The following PFKFB3 variants were observed in gnomAD, a reference collection of about 807,000 sequenced individuals.
The protein encoded by PFKFB3 is 6-phosphofructo-2-kinase/fructose-2,6-bisphosphatase 3.
A neutral mutation model predicts 68.0 loss-of-function variants in PFKFB3; 33 were observed. That is an observed-to-expected ratio of 0.49 (90% CI 0.37 to 0.65). The LOEUF (loss-of-function observed/expected upper bound fraction) is 0.65, where lower values mean the gene tolerates loss of function less well. PFKFB3 is among the 30% of genes least tolerant of loss of function. The probability of loss-of-function intolerance (pLI) is 0.00; values close to 1 mark genes in which losing one functional copy is unlikely to be tolerated. For missense variants in PFKFB3, 586 were observed against 712.2 expected (o/e 0.82, Z 2.02); for synonymous variants, 315 against 288.2 (o/e 1.09, Z -0.94).
At chr10:6,268,276 C>T in the PFKFB3 span, among the ~76,000 whole-genome samples, 4 of 152,212 alleles carry the variant, frequency 2.6e-5, no homozygotes, top group East Asian at 3.9e-4. Context: ...TTGGAGATTG[C>T]GTAGAGGGTT....
chr10:6,146,516 A>C, intron 1 of PFKFB3: 1 of 1,529,944 alleles, frequency 6.5e-7, no homozygotes, highest in Non-Finnish European at 8.7e-7. Context: ...GGCCACCTTG[A>C]CTCTGTGGGT....
At chr10:6,286,553 T>G in the PFKFB3 span, among the ~76,000 whole-genome samples, 1 of 152,034 alleles carries the variant, frequency 6.6e-6, no homozygotes, top group Non-Finnish European at 1.5e-5. Context: ...AATTTTTGTA[T>G]TTTTAGTAAA....
intron 14 of PFKFB3, among the ~76,000 whole-genome samples, chr10:6,242,707 CCT>C (rs1846167592): frequency 6.6e-6 from 1 of 152,114 alleles, no homozygotes. Context: ...CCTGCCTCTG[CCT>C]CTCAGGTAGC....
intron 14 of PFKFB3, among the ~76,000 whole-genome samples, chr10:6,249,495 T>C (rs1846329978): frequency 6.6e-6 from 1 of 152,122 alleles, no homozygotes; most frequent in African/African-American, 2.4e-5. Flanking sequence ...ATATACAAAA[T>C]GGGGTACTAT....
chr10:6,261,675 A>G, the PFKFB3 span, among the ~76,000 whole-genome samples: 3,108 of 152,008 alleles, frequency 0.02, 94 homozygotes, highest in African/African-American at 0.07. Context: ...CCTGGCCAAC[A>G]TGGTAAAACC....
At chr10:6,264,881 A>G in the PFKFB3 span, among the ~76,000 whole-genome samples, 1 of 152,268 alleles carries the variant, frequency 6.6e-6, no homozygotes, top group East Asian at 1.9e-4. Context: ...ACCATGGTAT[A>G]GTTACCAAAT....
intron 1 of PFKFB3, among the ~76,000 whole-genome samples, chr10:6,163,585 C>T (rs1315813144): frequency 6.6e-6 from 1 of 152,112 alleles, no homozygotes; most frequent in African/African-American, 2.4e-5. Flanking sequence ...TGCGCGCCTC[C>T]ACCCTCCATT....
chr10:6,191,232 T>C (rs1843015806), intron 1 of PFKFB3, among the ~76,000 whole-genome samples: 1 of 152,222 alleles, frequency 6.6e-6, no homozygotes, highest in Non-Finnish European at 1.5e-5. Flanking sequence ...AATACGTTGA[T>C]TGATTAAGAA....
chr10:6,278,279 TTTGTTG>T, the PFKFB3 span, among the ~76,000 whole-genome samples: 1 of 151,514 alleles, frequency 6.6e-6, no homozygotes, highest in Admixed American at 6.6e-5. Flanking sequence ...TTGATTTTTT[TTTGTTG>T]TTGTTGTTGT....
intron 14 of PFKFB3, among the ~76,000 whole-genome samples, chr10:6,226,934 A>G (rs549038191): frequency 5.5e-4 from 84 of 152,258 alleles, no homozygotes; most frequent in African/African-American, 1.9e-3. Context: ...AAAAATACAG[A>G]AATTAGCCAG....
At chr10:6,164,896 T>C (rs1842081480) in intron 1 of PFKFB3, among the ~76,000 whole-genome samples, 6 of 152,166 alleles carry the variant, frequency 3.9e-5, no homozygotes, top group Admixed American at 3.9e-4. Context: ...GGTTTTCTCC[T>C]ATCTCAGAAT....
chr10:6,227,217 G>T (rs185096315), intron 14 of PFKFB3, among the ~76,000 whole-genome samples: 2 of 152,276 alleles, frequency 1.3e-5, no homozygotes, highest in African/African-American at 2.4e-5. Flanking sequence ...CAGAAAACTG[G>T]TCTTTTCCTT....
At chr10:6,302,089 C>G in the PFKFB3 span, among the ~76,000 whole-genome samples, 1 of 148,594 alleles carries the variant, frequency 6.7e-6, no homozygotes, top group East Asian at 2.0e-4. Context: ...GAGTCTTGCT[C>G]TGTCACCCAG....
intron 1 of PFKFB3, among the ~76,000 whole-genome samples, chr10:6,189,758 G>A (rs796714179): frequency 1.9e-4 from 28 of 150,696 alleles, no homozygotes; most frequent in African/African-American, 2.7e-4. Flanking sequence ...CAAGTGATCC[G>A]CCCGCCTCGG....
At chr10:6,196,295 T>TA (rs1564611505) in intron 1 of PFKFB3, among the ~76,000 whole-genome samples, 1 of 152,146 alleles carries the variant, frequency 6.6e-6, no homozygotes, top group Non-Finnish European at 1.5e-5. Flanking sequence ...CACACCCGGC[T>TA]AATTTTTTGT....
chr10:6,272,464 C>A, the PFKFB3 span, among the ~76,000 whole-genome samples: 2 of 152,100 alleles, frequency 1.3e-5, no homozygotes, highest in African/African-American at 4.8e-5. Flanking sequence ...GAGGCCGAGG[C>A]GGGCGGATCA....
At chr10:6,231,204 TTTC>T (rs1205004712) in intron 14 of PFKFB3, 8 of 1,222,646 alleles carry the variant, frequency 6.5e-6, no homozygotes, top group South Asian at 3.7e-5. Flanking sequence ...TACTAAAGAT[TTTC>T]TTTTTTTTTT....
chr10:6,205,803 T>TTTATTTAG (rs1843643720), intron 1 of PFKFB3, among the ~76,000 whole-genome samples: 1 of 150,878 alleles, frequency 6.6e-6, no homozygotes, highest in South Asian at 2.1e-4. Flanking sequence ...TATTTATTTA[T>TTTATTTAG]TTATTCATTT....
the PFKFB3 span, among the ~76,000 whole-genome samples, chr10:6,306,209 T>A: frequency 6.6e-6 from 1 of 152,198 alleles, no homozygotes; most frequent in Non-Finnish European, 1.5e-5. Context: ...TTCTCATTCC[T>A]CTTATTCTGA....
Sources: gnomAD v4.1 joint callset for allele counts (sites outside exome capture counted in the v4.1 genomes callset) on GRCh38, gnomAD v4.1.1 for gene constraint, MANE v1.5 for transcripts, NCBI Gene and HGNC (gene_info 2026-07-23, HGNC 2026-07-21) for gene names.